The following LYPLAL1 variants were observed in gnomAD, a reference collection of about 807,000 sequenced individuals.
LYPLAL1 encodes the protein lysophospholipase-like protein 1.
Under a neutral mutation model 19.7 loss-of-function variants are expected in LYPLAL1, and 23 were observed. The observed-to-expected ratio is 1.17, with a 90% CI of 0.84 to 1.65. The LOEUF (loss-of-function observed/expected upper bound fraction) is 1.65. LYPLAL1 is among the 40% of genes most tolerant of loss of function. LYPLAL1 has a pLI of 0.00. For missense variants in LYPLAL1, 355 were observed against 279.4 expected, an observed-to-expected ratio of 1.27 and a Z score of -1.93; for synonymous variants, 119 against 96.3, an observed-to-expected ratio of 1.24 and a Z score of -1.38.
At chr1:219,263,270 G>C in the LYPLAL1 span, among the ~76,000 whole-genome samples, 1 of 152,170 alleles carries the variant, frequency 6.6e-6, no homozygotes, top group Admixed American at 6.5e-5. Context: ...CACCAGGGAA[G>C]TGGGGGAAAC....
At chr1:219,260,656 C>CTA in the LYPLAL1 span, among the ~76,000 whole-genome samples, 1 of 147,822 alleles carries the variant, frequency 6.8e-6, no homozygotes, top group South Asian at 2.2e-4. Flanking sequence ...TTTATAAATT[C>CTA]TATATATATA....
At chr1:219,390,482 A>G in the LYPLAL1 span, among the ~76,000 whole-genome samples, 1 of 152,206 alleles carries the variant, frequency 6.6e-6, no homozygotes, top group Non-Finnish European at 1.5e-5. Context: ...TTCTGAGGGC[A>G]GTTCCATAAG....
chr1:219,404,993 A>C, the LYPLAL1 span, among the ~76,000 whole-genome samples: 1 of 152,232 alleles, frequency 6.6e-6, no homozygotes, highest in Non-Finnish European at 1.5e-5. Context: ...CTGGAAAAAA[A>C]TGCATAGATA....
At chr1:219,428,800 T>C in the LYPLAL1 span, among the ~76,000 whole-genome samples, 2 of 152,216 alleles carry the variant, frequency 1.3e-5, no homozygotes, top group Non-Finnish European at 1.5e-5. Flanking sequence ...ACCTGGCATG[T>C]CATTCCTTTT....
rs1361190650 is a variant in LYPLAL1, at chr1:219,201,215, CT to C, written c.361+7968del. 2.0e-5 allele frequency among the ~76,000 whole-genome samples: 3 copies of C among 151,990 alleles called. No individual in the cohort carries two copies. The South Asian group carries it at 6.2e-4, about 31-fold the overall frequency. On this transcript the variant is annotated intron_variant, in intron 3 of 4. Coordinates refer to ENST00000366928, the MANE Select transcript of LYPLAL1 (RefSeq NM_138794.5). ...TCCATTATAGTTTGACATAAAAAAA[CT>C]TTTAAAATCTTTTATAATTGTTTTG...
At chr1:219,323,262 C>G in the LYPLAL1 span, among the ~76,000 whole-genome samples, 1 of 152,144 alleles carries the variant, frequency 6.6e-6, no homozygotes, top group East Asian at 1.9e-4. Flanking sequence ...AAAATATAAA[C>G]TAACATGAAC....
chr1:219,346,826 AG>A, the LYPLAL1 span, among the ~76,000 whole-genome samples: 1 of 152,224 alleles, frequency 6.6e-6, no homozygotes, highest in Non-Finnish European at 1.5e-5. Flanking sequence ...CCTGATTAGA[AG>A]GGAAACAGAG....
At chr1:219,409,657 C>T in the LYPLAL1 span, 2 of 152,192 alleles carry the variant, frequency 1.3e-5, no homozygotes, top group African/African-American at 2.4e-5. Context: ...AGATGGGTCT[C>T]TTCAAATGGT....
At chr1:219,275,547 T>A in the LYPLAL1 span, among the ~76,000 whole-genome samples, 1 of 152,196 alleles carries the variant, frequency 6.6e-6, no homozygotes. Context: ...ATGAACATAT[T>A]TAACAGCAAA....
chr1:219,357,062 G>A, the LYPLAL1 span, among the ~76,000 whole-genome samples: 10 of 152,166 alleles, frequency 6.6e-5, no homozygotes, highest in African/African-American at 2.4e-4. Context: ...TCACTTGAAT[G>A]TCACTTGAAT....
the LYPLAL1 span, among the ~76,000 whole-genome samples, chr1:219,439,980 T>TATATATATACACATATATATATAC: frequency 1.5e-5 from 1 of 65,446 alleles, no homozygotes; most frequent in African/African-American, 6.0e-5. Context: ...TATACATATA[T>TATATATATACACATATATATATAC]ATATATATAT....
chr1:219,338,959 G>A, the LYPLAL1 span, among the ~76,000 whole-genome samples: 1 of 151,884 alleles, frequency 6.6e-6, no homozygotes, highest in Non-Finnish European at 1.5e-5. Flanking sequence ...AATTAGATCA[G>A]ATCAAATGCC....
the LYPLAL1 span, among the ~76,000 whole-genome samples, chr1:219,388,841 A>C: frequency 6.6e-6 from 1 of 152,172 alleles, no homozygotes; most frequent in African/African-American, 2.4e-5. Context: ...GAGTATGTTC[A>C]TTATTACTTG....
At chr1:219,232,621 G>C in the LYPLAL1 span, among the ~76,000 whole-genome samples, 1 of 152,082 alleles carries the variant, frequency 6.6e-6, no homozygotes, top group African/African-American at 2.4e-5. Flanking sequence ...GAAAATATTT[G>C]CCAATCATTT....
chr1:219,266,924 G>A, the LYPLAL1 span, among the ~76,000 whole-genome samples: 1 of 152,126 alleles, frequency 6.6e-6, no homozygotes, highest in Non-Finnish European at 1.5e-5. Flanking sequence ...ACCACAAATT[G>A]AGAGTATGTA....
At chr1:219,244,570 A>G in the LYPLAL1 span, among the ~76,000 whole-genome samples, 1 of 152,190 alleles carries the variant, frequency 6.6e-6, no homozygotes, top group Non-Finnish European at 1.5e-5. Flanking sequence ...GGGATTAGGA[A>G]AAATGTTCCT....
the LYPLAL1 span, among the ~76,000 whole-genome samples, chr1:219,352,249 G>A: frequency 3.3e-5 from 5 of 152,306 alleles, no homozygotes; most frequent in Admixed American, 6.5e-5. Context: ...ATCCACAGGG[G>A]GCCAGGCGCG....
Position 219,187,836 on chromosome 1 carries a change from G to A in LYPLAL1, c.192-5246G>A, listed in dbSNP as rs894455830. ...AACAGTATATCTGTACTACAAGTATGCTAGTAAGGAACCCTACTAAAAACA... is the reference window on the plus strand; with the variant it reads ...AACAGTATATCTGTACTACAAGTATACTAGTAAGGAACCCTACTAAAAACA... On this transcript the variant is annotated intron_variant, in intron 2 of 4. Coordinates refer to ENST00000366928, the MANE Select transcript of LYPLAL1 (RefSeq NM_138794.5). Among the ~76,000 whole-genome samples the A allele has an allele frequency of 5.3e-5, 8 of 151,822 alleles. No individual in the cohort carries two copies. The East Asian group carries it at 1.2e-3, about 22-fold the overall frequency.
At chr1:219,435,601 C>T in the LYPLAL1 span, among the ~76,000 whole-genome samples, 20 of 151,866 alleles carry the variant, frequency 1.3e-4, no homozygotes, top group East Asian at 2.1e-3. Flanking sequence ...CCGAGGCAGG[C>T]GGATCACGAG....
Sources: allele counts gnomAD v4.1 joint callset (sites outside exome capture counted in the v4.1 genomes callset), GRCh38; gene constraint gnomAD v4.1.1; transcripts MANE v1.5; gene names NCBI Gene and HGNC (gene_info 2026-07-23, HGNC 2026-07-21).